Variants in CC2D2B observed in about 807,000 individuals in gnomAD.
The protein encoded by CC2D2B is protein CC2D2B.
A neutral mutation model predicts 161.2 loss-of-function variants in CC2D2B; 128 were observed. The ratio of observed to expected loss-of-function variants is 0.79; its 90% CI spans 0.69 to 0.92. CC2D2B has a LOEUF of 0.92. Among genes scored for constraint, CC2D2B ranks in the 40% least tolerant of loss-of-function variants. The pLI is 0.00. For synonymous variants in CC2D2B, 391 were observed against 449.8 expected (o/e 0.87, Z 1.65); for missense variants, 1,173 against 1,375.1 (o/e 0.85, Z 2.32).
rs1214151449 is a variant in CC2D2B at position 96,033,524 on chromosome 10, A to G, written c.*1516A>G. 3.3e-5 allele frequency among the ~76,000 whole-genome samples: 5 copies of G among 152,194 alleles called. No homozygotes were observed. Among genetic ancestry groups the G allele is most frequent in the African/African-American group, 9.6e-5 (4 of 41,456 alleles). On this transcript the variant is annotated 3_prime_UTR_variant, in exon 35 of 35. Transcript: ENST00000646931. ...ATTTAGCACAAAATGATGCTGATGGAAAGATGAGGATGCCAAAGACAGACT... is the reference window on the plus strand; with the variant it reads ...ATTTAGCACAAAATGATGCTGATGGGAAGATGAGGATGCCAAAGACAGACT...
intron 32 of CC2D2B, among the ~76,000 whole-genome samples, chr10:96,023,286 GC>G (rs1417301381): frequency 2.0e-5 from 3 of 152,172 alleles, no homozygotes; most frequent in Non-Finnish European, 4.4e-5. Flanking sequence ...TCCATCTTCT[GC>G]CTTGCCACAT....
At chr10:95,933,045 A>G (rs2141237573) in intron 6 of CC2D2B, among the ~76,000 whole-genome samples, 1 of 152,198 alleles carries the variant, frequency 6.6e-6, no homozygotes. Flanking sequence ...GTCTTTTCAC[A>G]TAGTCCCATA....
intron 2 of CC2D2B, among the ~76,000 whole-genome samples, chr10:95,913,982 C>T (rs752323629): frequency 1.2e-4 from 19 of 152,078 alleles, no homozygotes; most frequent in Non-Finnish European, 2.5e-4. Context: ...CCCATTTGTC[C>T]ATTTTTTGCT....
chr10:95,971,800 G>A (rs902251070), intron 15 of CC2D2B, among the ~76,000 whole-genome samples: 4 of 152,166 alleles, frequency 2.6e-5, no homozygotes, highest in African/African-American at 9.6e-5. Context: ...ATGATATTAT[G>A]TTATATGTAC....
intron 23 of CC2D2B, among the ~76,000 whole-genome samples, chr10:95,995,859 C>A (rs945160148): frequency 6.6e-6 from 1 of 152,178 alleles, no homozygotes; most frequent in East Asian, 1.9e-4. Flanking sequence ...AAAGATGTTT[C>A]TCTTATTTCT....
chr10:95,963,345 G>T lies in CC2D2B; in HGVS notation c.1250+1376G>T, dbSNP rs551356173. ...CCTAACTGAATAAACTTGTAGCTAG[G>T]CTTCCTGGAAAGATAGTACTCATGA... On this transcript the variant is annotated intron_variant, in intron 12 of 34. Coordinates refer to ENST00000646931, the MANE Select transcript of CC2D2B (RefSeq NM_001349008.3). Among the ~76,000 whole-genome samples, 9 of 152,242 alleles carry T rather than the reference G, an allele frequency of 5.9e-5. No individual in the cohort carries two copies. The South Asian group carries it at 1.5e-3, about 25-fold the overall frequency.
intron 17 of CC2D2B, among the ~76,000 whole-genome samples, chr10:95,979,867 C>G (rs1230751301): frequency 6.6e-6 from 1 of 152,130 alleles, no homozygotes; most frequent in Non-Finnish European, 1.5e-5. Flanking sequence ...TACTTAATGC[C>G]ACTGAATTGT....
chr10:96,026,613 TCAC>T (rs2079790314), intron 33 of CC2D2B, among the ~76,000 whole-genome samples: 1 of 152,098 alleles, frequency 6.6e-6, no homozygotes, highest in African/African-American at 2.4e-5. Context: ...TGTTGTCAAA[TCAC>T]ACCCAGTAGG....
intron 3 of CC2D2B, among the ~76,000 whole-genome samples, chr10:95,923,714 T>A (rs1264688322): frequency 1.3e-5 from 2 of 152,050 alleles, no homozygotes; most frequent in Non-Finnish European, 2.9e-5. Flanking sequence ...CCCACGATAA[T>A]TAAAAATTTA....
At chr10:96,015,287 C>T (rs142892295) in intron 29 of CC2D2B, among the ~76,000 whole-genome samples, 1,798 of 134,858 alleles carry the variant, frequency 0.013, 34 homozygotes, top group African/African-American at 0.048. Flanking sequence ...CCATGTTGGC[C>T]AGGATGGTCT....
At chr10:95,978,195 ATTC>A (rs2077387745) in intron 17 of CC2D2B, among the ~76,000 whole-genome samples, 1 of 152,198 alleles carries the variant, frequency 6.6e-6, no homozygotes, top group Non-Finnish European at 1.5e-5. Flanking sequence ...ATTTATCATT[ATTC>A]TTCTTCCTGC....
chr10:95,928,783 AT>A (rs74437316), intron 6 of CC2D2B, among the ~76,000 whole-genome samples: 18,537 of 151,834 alleles, frequency 0.12, 1,919 homozygotes, highest in African/African-American at 0.27. Context: ...TGTGTGCCAC[AT>A]TTTTTTTATT....
rs1248104364 is a variant in CC2D2B, at chr10:96,032,772, C to A, written c.*764C>A. On this transcript the variant is annotated 3_prime_UTR_variant, in exon 35 of 35. Coordinates refer to ENST00000646931, the MANE Select transcript of CC2D2B (RefSeq NM_001349008.3). Reference sequence around the variant, plus strand: ...CAGCTCCATGTATTTGGAAGGAACTCCCAGGAAACTCTAATTTCTCCCAAT... The same window carrying A: ...CAGCTCCATGTATTTGGAAGGAACTACCAGGAAACTCTAATTTCTCCCAAT... 2 of 469,796 alleles carry A rather than the reference C, an allele frequency of 4.3e-6. No homozygotes were observed. The highest frequency in any genetic ancestry group is 8.8e-6 in the Non-Finnish European group (2 of 226,428). The allele number at this position is 469,796 out of a possible 1,614,324, so 29.1% of individuals were successfully genotyped here.
rs866234230 is a variant in CC2D2B at position 95,915,021 on chromosome 10, C to T, written c.36+3662C>T. ...GCTTTGAATAGAATGGACATTTTAA[C>T]AATATTGACTCTTCCAATCTATGAA... On this transcript the variant is annotated intron_variant, in intron 2 of 34. Transcript: ENST00000646931. 1.6e-4 allele frequency among the ~76,000 whole-genome samples: 24 copies of T among 152,122 alleles called. 1 individual carries two copies. The highest frequency in any genetic ancestry group is 5.3e-4 in the African/African-American group (22 of 41,428).
intron 24 of CC2D2B, among the ~76,000 whole-genome samples, chr10:96,002,684 G>A (rs947935784): frequency 2.6e-5 from 4 of 152,130 alleles, no homozygotes; most frequent in African/African-American, 9.7e-5. Flanking sequence ...TTTATCACTA[G>A]GAAATATAAG....
chr10:95,914,065 A>G (rs2141112351), intron 2 of CC2D2B, among the ~76,000 whole-genome samples: 1 of 152,060 alleles, frequency 6.6e-6, no homozygotes, highest in African/African-American at 2.4e-5. Context: ...AGTTTCCCCA[A>G]TTTTTCTTTT....
At chr10:95,940,824 C>G (rs1169029896) in intron 9 of CC2D2B, among the ~76,000 whole-genome samples, 1 of 152,002 alleles carries the variant, frequency 6.6e-6, no homozygotes, top group East Asian at 1.9e-4. Context: ...AGACTTAGAG[C>G]AATCCATTTC....
At chr10:95,998,382 G>T (rs2078315881) in intron 24 of CC2D2B, among the ~76,000 whole-genome samples, 1 of 152,028 alleles carries the variant, frequency 6.6e-6, no homozygotes, top group African/African-American at 2.4e-5. Context: ...ACACAGAATG[G>T]TTACACTCCC....
chr10:95,919,531 G>C (rs962553022), intron 2 of CC2D2B: 1 of 152,236 alleles, frequency 6.6e-6, no homozygotes, highest in Admixed American at 6.5e-5. Context: ...TGGAGTTGGG[G>C]AAGGAGTGAT....
Sources: allele counts gnomAD v4.1 joint callset (sites outside exome capture counted in the v4.1 genomes callset), GRCh38; gene constraint gnomAD v4.1.1; transcripts MANE v1.5; gene names NCBI Gene and HGNC (gene_info 2026-07-23, HGNC 2026-07-21).